HIVEP3: variants seen among roughly 807,000 people sequenced by gnomAD.
HIVEP3 encodes HIVEP zinc finger 3, also known as transcription factor HIVEP3.
Under a neutral mutation model 152.8 loss-of-function variants are expected in HIVEP3, and 49 were observed. That is an observed-to-expected ratio of 0.32 (90% confidence interval 0.26 to 0.41). HIVEP3 has a LOEUF of 0.41. HIVEP3 is among the 10% of genes least tolerant of loss of function. The pLI, the probability that HIVEP3 is intolerant of heterozygous loss-of-function variation, is 1.00. For synonymous variants in HIVEP3, 1,269 were observed against 1,289.0 expected, an observed-to-expected ratio of 0.98 and a Z score of 0.33; for missense variants, 2,790 against 3,103.3, an observed-to-expected ratio of 0.90 and a Z score of 2.40.
intron 8 of HIVEP3, among the ~76,000 whole-genome samples, chr1:41,512,483 C>T (rs367852330): frequency 2.6e-5 from 4 of 152,154 alleles, no homozygotes; most frequent in African/African-American, 9.7e-5. Flanking sequence ...TGAGCCTATT[C>T]AACCTCTTTT....
At position 41,580,961 on chromosome 1, in the gene HIVEP3, T is replaced by C; in HGVS notation, c.3837A>G (p.Thr1279=). 1 of 1,607,892 alleles carries C rather than the reference T, an allele frequency of 6.2e-7. No homozygotes were observed. Among genetic ancestry groups the C allele is most frequent in the East Asian group, 2.2e-5 (1 of 44,844 alleles). The stretch of plus-strand genomic sequence containing the variant: ...GTAGCCGGATGTCACTGCTGTACTC[T>C]GTGCTGGGGGAGAGGCCAGCACTTC... The part of the protein sequence containing the change: ...ATGSAGLSPS[T]EYSSDIRLPP... The change falls in exon 4 of 9, where the codon ACA becomes ACG. Residue 1279 remains threonine (T), a synonymous_variant. Coordinates refer to ENST00000372583, the MANE Select transcript of HIVEP3 (RefSeq NM_024503.5).
In HIVEP3 at chr1:41,754,421, T is replaced by G. The variant is rs140887018; in HGVS notation, c.-800-53426A>C. Among the ~76,000 whole-genome samples, 15 of 152,274 alleles carry G rather than the reference T, an allele frequency of 9.9e-5. No homozygotes were observed. The East Asian group carries it at 2.9e-3, about 29-fold the overall frequency. On this transcript the variant is annotated intron_variant, in intron 1 of 8. Transcript: ENST00000372583. Reference sequence around the variant, plus strand: ...AACAATAGTCTTTGCATGCTAGAGATAGCAGCAAGTGAGCCAAGGTAATGG... The same window carrying G: ...AACAATAGTCTTTGCATGCTAGAGAGAGCAGCAAGTGAGCCAAGGTAATGG...
At chr1:41,776,641 C>G (rs888231574) in intron 1 of HIVEP3, among the ~76,000 whole-genome samples, 1 of 152,204 alleles carries the variant, frequency 6.6e-6, no homozygotes, top group Non-Finnish European at 1.5e-5. Context: ...CTTGGTTTTA[C>G]GATATAGTCT....
chr1:41,644,400 T>C (rs1384294292), intron 2 of HIVEP3, among the ~76,000 whole-genome samples: 1 of 152,148 alleles, frequency 6.6e-6, no homozygotes, highest in Non-Finnish European at 1.5e-5. Context: ...TAGGCCTCAG[T>C]TTCCCCTCCT....
At chr1:41,706,850 C>T (rs1174243236) in intron 1 of HIVEP3, among the ~76,000 whole-genome samples, 3 of 152,178 alleles carry the variant, frequency 2.0e-5, no homozygotes, top group Admixed American at 6.5e-5. Flanking sequence ...ACAGCAAGTC[C>T]TGGTTATTGG....
chr1:41,702,488 A>T (rs1646377947), intron 1 of HIVEP3, among the ~76,000 whole-genome samples: 1 of 152,204 alleles, frequency 6.6e-6, no homozygotes, highest in African/African-American at 2.4e-5. Flanking sequence ...GTTTCCCTGT[A>T]TGTAAAATGG....
intron 1 of HIVEP3, among the ~76,000 whole-genome samples, chr1:41,914,410 T>A (rs1644840346): frequency 6.6e-6 from 1 of 152,246 alleles, no homozygotes; most frequent in Non-Finnish European, 1.5e-5. Flanking sequence ...TTTTTTCAAG[T>A]AAGTTACCAA....
intron 1 of HIVEP3, among the ~76,000 whole-genome samples, chr1:41,757,122 A>ATTATTATTC: frequency 6.8e-6 from 1 of 147,752 alleles, no homozygotes; most frequent in East Asian, 2.0e-4. Flanking sequence ...TATTATTATT[A>ATTATTATTC]TTATTATTTT....
intron 1 of HIVEP3, among the ~76,000 whole-genome samples, chr1:41,878,223 A>G (rs1010282136): frequency 3.3e-5 from 5 of 152,218 alleles, no homozygotes; most frequent in African/African-American, 1.2e-4. Flanking sequence ...GTTGGCACTG[A>G]GGAGAATTTA....
chr1:41,620,864 C>G (rs1230745919), intron 3 of HIVEP3, among the ~76,000 whole-genome samples: 1 of 152,260 alleles, frequency 6.6e-6, no homozygotes. Flanking sequence ...TCAACCACTA[C>G]TGTGCACCAG....
At chr1:41,869,832 A>C (rs1397346226) in intron 1 of HIVEP3, among the ~76,000 whole-genome samples, 2 of 151,850 alleles carry the variant, frequency 1.3e-5, no homozygotes, top group Non-Finnish European at 2.9e-5. Context: ...TTGAAAAAAT[A>C]AAGAAAATTT....
chr1:41,844,269 A>G (rs1298945918), intron 1 of HIVEP3, among the ~76,000 whole-genome samples: 4 of 152,224 alleles, frequency 2.6e-5, no homozygotes, highest in Non-Finnish European at 2.9e-5. Flanking sequence ...ACACTAAACT[A>G]ACAAGGAGAA....
chr1:41,877,949 C>T (rs1427374829), intron 1 of HIVEP3, among the ~76,000 whole-genome samples: 2 of 152,102 alleles, frequency 1.3e-5, no homozygotes, highest in Non-Finnish European at 2.9e-5. Flanking sequence ...TCCTGGACTA[C>T]ACTTACAAAG....
chr1:41,719,382 C>T (rs1351350542), intron 1 of HIVEP3, among the ~76,000 whole-genome samples: 1 of 152,194 alleles, frequency 6.6e-6, no homozygotes, highest in Non-Finnish European at 1.5e-5. Context: ...CTTTAGTTCT[C>T]GCCTTTACCT....
In HIVEP3 at chr1:42,021,641, T is replaced by A. The variant is rs114853975; in HGVS notation, n.119+14166A>T. 3.3e-3 allele frequency among the ~76,000 whole-genome samples: 496 copies of A among 152,222 alleles called. 2 individuals are homozygous for A. The highest frequency in any genetic ancestry group is 0.012 in the African/African-American group (478 of 41,526). On this transcript the variant is annotated intron_variant and non_coding_transcript_variant, in intron 1 of 3. Transcript: ENST00000489103. Reference sequence around the variant, plus strand: ...TAGGAGTCATGTGCAAACAGATACATCATACCACAAGACTGAATTCATTCA... The same window carrying A: ...TAGGAGTCATGTGCAAACAGATACAACATACCACAAGACTGAATTCATTCA...
intron 1 of HIVEP3, among the ~76,000 whole-genome samples, chr1:41,777,828 C>T (rs1648804345): frequency 6.6e-6 from 1 of 152,252 alleles, no homozygotes. Context: ...CACCCAGCTC[C>T]TTGCCCTCTG....
At chr1:41,819,358 T>C (rs1462930388) in intron 1 of HIVEP3, among the ~76,000 whole-genome samples, 2 of 152,154 alleles carry the variant, frequency 1.3e-5, no homozygotes, top group Non-Finnish European at 2.9e-5. Context: ...TGCTAAAGAA[T>C]TCTTTATCTT....
chr1:41,662,699 C>G lies in HIVEP3; in HGVS notation c.-720-33752G>C, dbSNP rs1645735941. Among the ~76,000 whole-genome samples the G allele has an allele frequency of 6.6e-6, 1 of 151,650 alleles. No individual in the cohort carries two copies. On this transcript the variant is annotated intron_variant, in intron 2 of 8. Coordinates refer to ENST00000372583, the MANE Select transcript of HIVEP3 (RefSeq NM_024503.5). The surrounding 1 kb of genome is among the most constrained non-coding windows in gnomAD (Gnocchi z 7.2). ...TGACAGGCCGTGTCACTCCGGGCGCCGCCCCTCCCTCCGCGCCCGCCCCGG... is the reference window on the plus strand; with the variant it reads ...TGACAGGCCGTGTCACTCCGGGCGCGGCCCCTCCCTCCGCGCCCGCCCCGG...
chr1:41,830,481 T>C (rs192593495), intron 1 of HIVEP3, among the ~76,000 whole-genome samples: 265 of 152,336 alleles, frequency 1.7e-3, no homozygotes, highest in African/African-American at 6.0e-3. Flanking sequence ...CTCATTCTTC[T>C]GGCTGCTGGG....
Sources: allele counts gnomAD v4.1 joint callset (sites outside exome capture counted in the v4.1 genomes callset), GRCh38; gene constraint gnomAD v4.1.1; non-coding constraint Gnocchi (gnomAD v3.1); transcripts MANE v1.5; gene names NCBI Gene and HGNC (gene_info 2026-07-23, HGNC 2026-07-21).